The following EPHA4 variants were observed in gnomAD, a reference collection of about 807,000 sequenced individuals.
EPHA4 encodes EPH receptor A4, also known as ephrin type-A receptor 4.
EPHA4 carries 19 observed loss-of-function variants against 108.3 expected under a neutral mutation model. The observed-to-expected ratio is 0.18, with a 90% CI of 0.12 to 0.26. The LOEUF is 0.26. Among genes scored for constraint, EPHA4 ranks in the 10% least tolerant of loss-of-function variants. The probability of loss-of-function intolerance (pLI) is 1.00; values close to 1 mark genes in which losing one functional copy is unlikely to be tolerated. For missense variants in EPHA4, 917 were observed against 1,254.0 expected, an observed-to-expected ratio of 0.73 and a Z score of 4.06; for synonymous variants, 449 against 455.5, an observed-to-expected ratio of 0.99 and a Z score of 0.18.
At chr2:221,429,827 A>G in intron 15 of EPHA4, 131 bp downstream of exon 15, 5 of 910,420 alleles carry the variant, frequency 5.5e-6, no homozygotes, top group Non-Finnish European at 1.7e-6. Context: ...TAATTGAGAA[A>G]GAAGCCACCC....
chr2:221,535,270 C>G (rs78269723), intron 3 of EPHA4, among the ~76,000 whole-genome samples: 2,510 of 152,284 alleles, frequency 0.016, 81 homozygotes, highest in East Asian at 0.082. Flanking sequence ...ACTCCAAACT[C>G]TAAAGTCTTG....
intron 14 of EPHA4, 142 bp from the exon 15 acceptor site, chr2:221,430,293 C>T: frequency 1.3e-6 from 1 of 758,780 alleles, no homozygotes; most frequent in Non-Finnish European, 2.1e-6. Context: ...TCACATGAGC[C>T]AAAGCTAGAC....
chr2:221,426,421 A>C (rs757548990), intron 16 of EPHA4, 43 bp downstream of exon 16: 1 of 1,557,106 alleles, frequency 6.4e-7, no homozygotes, highest in East Asian at 2.3e-5. Context: ...AAATACTATT[A>C]AATCTAGATT....
chr2:221,551,063 T>G (rs1694145162), intron 3 of EPHA4, among the ~76,000 whole-genome samples: 2 of 152,094 alleles, frequency 1.3e-5, no homozygotes, highest in African/African-American at 2.4e-5. Context: ...ACCCTATTAT[T>G]TATTATTGGT....
At position 221,520,311 on chromosome 2, in the gene EPHA4, C is replaced by T. The variant is rs78077207; in HGVS notation, c.824-19139G>A. ...CCTACAAATAATGAAATTTTATCTT[C>T]TCTTCACAGCCTAAAATCAGCCAGT... On this transcript the variant is annotated intron_variant, in intron 3 of 17. Coordinates refer to ENST00000281821, the MANE Select transcript of EPHA4 (RefSeq NM_004438.5). Among the ~76,000 whole-genome samples the T allele has an allele frequency of 2.8e-3, 424 of 152,282 alleles. 3 individuals carry two copies. The highest frequency in any genetic ancestry group is 0.014 in the Middle Eastern group (4 of 294).
chr2:221,566,833 GAGAAGA>G (rs1251556436), intron 2 of EPHA4, among the ~76,000 whole-genome samples: 2 of 108,448 alleles, frequency 1.8e-5, no homozygotes, highest in African/African-American at 3.4e-5. Context: ...GAAGGAGAAG[GAGAAGA>G]AGGAGAAGGA....
Position 221,426,564 on chromosome 2 carries a change from C to T in EPHA4, c.2746G>A (p.Val916Met). The change falls in exon 16 of 18, where the codon GTG (valine) becomes ATG (methionine). Residue 916 changes from valine (V) to methionine (M), a missense_variant. Physicochemically the swap from Val to Met is conservative, Grantham distance 21. This residue lies in a region of EPHA4 where 133 missense variants were observed against 132.8 expected (regional missense o/e 1.00). Coordinates refer to ENST00000281821, the MANE Select transcript of EPHA4 (RefSeq NM_004438.5). Reference protein sequence around the residue: ...SSPEFSAVVSVGDWLQAIKMD... With the variant: ...SSPEFSAVVSMGDWLQAIKMD... ...TTAATGGCCTGGAGCCAATCGCCCACTGATACCACAGCAGAGAATTCAGGG... is the reference window on the plus strand; with the variant it reads ...TTAATGGCCTGGAGCCAATCGCCCATTGATACCACAGCAGAGAATTCAGGG... 1 of 1,614,116 alleles carries T rather than the reference C, an allele frequency of 6.2e-7. No homozygotes were observed. The highest frequency in any genetic ancestry group is 1.1e-5 in the South Asian group (1 of 91,070).
intron 4 of EPHA4, among the ~76,000 whole-genome samples, chr2:221,499,743 TATATATATATATA>T (rs1400936002): frequency 1.9e-3 from 115 of 60,626 alleles, no homozygotes; most frequent in African/African-American, 6.3e-3. Context: ...TATATATATA[TATATATATATATA>T]TTTTTTTTTT....
At chr2:221,499,756 A>ATATATTT (rs1334015871) in intron 4 of EPHA4, among the ~76,000 whole-genome samples, 4 of 26,220 alleles carry the variant, frequency 1.5e-4, no homozygotes, top group Non-Finnish European at 2.5e-4. Flanking sequence ...ATATATATAT[A>ATATATTT]TTTTTTTTTT....
At chr2:221,526,606 G>T (rs1398372427) in intron 3 of EPHA4, among the ~76,000 whole-genome samples, 6 of 151,696 alleles carry the variant, frequency 4.0e-5, no homozygotes, top group Non-Finnish European at 8.8e-5. Context: ...CAGCACTTTG[G>T]GAGGCCGAGG....
chr2:221,428,721 A>AT (rs950920331), intron 15 of EPHA4, among the ~76,000 whole-genome samples: 16 of 152,050 alleles, frequency 1.1e-4, no homozygotes, highest in African/African-American at 2.9e-4. Flanking sequence ...GAGACTTTTA[A>AT]TTTTTTTTAG....
chr2:221,534,906 AG>A (rs1360142568), intron 3 of EPHA4, among the ~76,000 whole-genome samples: 1 of 152,202 alleles, frequency 6.6e-6, no homozygotes, highest in Non-Finnish European at 1.5e-5. Context: ...TTGACCAGAA[AG>A]CATATATTCA....
Position 221,425,222 on chromosome 2 carries a change from G to T in EPHA4, c.*806C>A, listed in dbSNP as rs1021529502. ...TGTTGGACTTACCTTGCAGATCTGG[G>T]GTCGCTTCTTTAAAGGAGCGAAGTG... On this transcript the variant is annotated 3_prime_UTR_variant, in exon 17 of 18. Transcript: ENST00000281821. The T allele has an allele frequency of 6.6e-6, 1 of 152,444 alleles. No individual in the cohort carries two copies. The highest frequency in any genetic ancestry group is 2.4e-5 in the African/African-American group (1 of 41,412). The allele number at this position is 152,444 out of a possible 1,614,324, so 9.4% of individuals were successfully genotyped here.
At chr2:221,519,340 T>C (rs1693091590) in intron 3 of EPHA4, among the ~76,000 whole-genome samples, 1 of 152,160 alleles carries the variant, frequency 6.6e-6, no homozygotes, top group Admixed American at 6.5e-5. Flanking sequence ...CTTTAAATGA[T>C]GGACAGTTTC....
chr2:221,490,737 G>A (rs1692116403), intron 4 of EPHA4, among the ~76,000 whole-genome samples: 1 of 152,184 alleles, frequency 6.6e-6, no homozygotes, highest in Admixed American at 6.5e-5. Context: ...CAGGTTATAA[G>A]GAAGAGTCAA....
intron 3 of EPHA4, among the ~76,000 whole-genome samples, chr2:221,516,352 A>ATTT (rs10606305): frequency 1.6e-5 from 2 of 123,338 alleles, no homozygotes; most frequent in Non-Finnish European, 1.6e-5. Flanking sequence ...AGATTCAATG[A>ATTT]TTTTTTTTTT....
At chr2:221,483,500 TTGTGTGTG>T (rs58143142) in intron 4 of EPHA4, among the ~76,000 whole-genome samples, 10 of 143,794 alleles carry the variant, frequency 7.0e-5, no homozygotes, top group Admixed American at 2.8e-4. Flanking sequence ...TGATGTAGAT[TTGTGTGTG>T]TGTGTGTGTG....
At chr2:221,519,408 G>T (rs767861195) in intron 3 of EPHA4, among the ~76,000 whole-genome samples, 1 of 152,146 alleles carries the variant, frequency 6.6e-6, no homozygotes, top group Non-Finnish European at 1.5e-5. Context: ...TCCTCCCAAA[G>T]CTCTGTGGAG....
chr2:221,506,072 A>G (rs1692622372), intron 3 of EPHA4, among the ~76,000 whole-genome samples: 1 of 152,116 alleles, frequency 6.6e-6, no homozygotes, highest in African/African-American at 2.4e-5. Context: ...GCTGGTCTCC[A>G]TACAATATTT....
Sources: allele counts gnomAD v4.1 joint callset (sites outside exome capture counted in the v4.1 genomes callset), GRCh38; gene constraint gnomAD v4.1.1; regional missense constraint gnomAD v4.1.1; transcripts MANE v1.5; gene names NCBI Gene and HGNC (gene_info 2026-07-23, HGNC 2026-07-21).